ARHGEF3: variants seen among roughly 807,000 people sequenced by gnomAD.
ARHGEF3 encodes the protein 59.8 kDA protein.
In ARHGEF3, 28 loss-of-function variants were observed where a neutral mutation model predicts 63.2. That is an observed-to-expected ratio of 0.44 (90% CI 0.33 to 0.61). ARHGEF3 has a LOEUF of 0.61. Among genes scored for constraint, ARHGEF3 ranks in the 20% least tolerant of loss-of-function variants. The pLI is 0.03. For missense variants in ARHGEF3, 533 were observed against 659.3 expected, an observed-to-expected ratio of 0.81 and a Z score of 2.10; for synonymous variants, 266 against 254.2, an observed-to-expected ratio of 1.05 and a Z score of -0.44.
rs145548801 is a variant in ARHGEF3, at chr3:56,969,355, T to C, written c.63-10466A>G. 2.6e-5 allele frequency among the ~76,000 whole-genome samples: 3 copies of C among 114,024 alleles called. No homozygotes were observed. In the East Asian group the frequency reaches 1.0e-3, roughly 39 times the overall value. The allele number at this position is 114,024 out of a possible 152,430, so 74.8% of individuals were successfully genotyped here. A position where few individuals can be genotyped will look rare whatever the true frequency, so the allele number is the denominator to read the frequency against. ...AACGCTTGTTCAGTTCATTTGCTCA[T>C]TTATATAAAGAAGTGTTCTTTTTTT... On this transcript the variant is annotated intron_variant, in intron 2 of 12. Coordinates refer to the ARHGEF3 transcript ENST00000338458.
At chr3:56,839,740 T>C (rs1292766549) in intron 4 of ARHGEF3, among the ~76,000 whole-genome samples, 7 of 152,202 alleles carry the variant, frequency 4.6e-5, no homozygotes, top group Non-Finnish European at 1.0e-4. Flanking sequence ...TTTGGTCTGG[T>C]TGCATCAAAT....
rs868499904 is a variant in ARHGEF3 at position 56,745,332 on chromosome 3, C to T, written c.743G>A (p.Arg248His). 1.2e-6 allele frequency: 2 copies of T among 1,613,720 alleles called. No individual in the cohort carries two copies. The highest frequency in any genetic ancestry group is 1.1e-5 in the South Asian group (1 of 91,068). Residue 248 changes from arginine (R) to histidine (H), a missense_variant, in exon 7 of 10, where the codon CGC becomes CAC. By Grantham distance (29) the Arg-to-His change is conservative (BLOSUM62 0). Around this residue, in one of 4 missense-constraint regions of ARHGEF3, gnomAD observed 107 missense variants for 207.9 expected, o/e 0.51. Transcript: ENST00000296315. ...GAGGAAATTCCAGAGATCTAGTTTG[C>T]GGCTAAAGGGGGATTCTAAACATCG... ...LQRCLESPFS[R>H]KLDLWNFLDI... is the part of the protein sequence containing the mutation.
chr3:56,834,711 C>A (rs1387362122), intron 4 of ARHGEF3, among the ~76,000 whole-genome samples: 14 of 147,974 alleles, frequency 9.5e-5, no homozygotes, highest in Non-Finnish European at 1.5e-5. Flanking sequence ...TGCCATTGCA[C>A]TCCAGCCTGG....
intron 2 of ARHGEF3, among the ~76,000 whole-genome samples, chr3:56,768,272 T>A (rs950558376): frequency 6.6e-6 from 1 of 152,148 alleles, no homozygotes; most frequent in Non-Finnish European, 1.5e-5. Flanking sequence ...TTGGCCAGGT[T>A]GGTCTCGAAC....
chr3:56,978,804 C>CAGAGAGGG (rs1466093731), intron 2 of ARHGEF3, among the ~76,000 whole-genome samples: 1 of 152,114 alleles, frequency 6.6e-6, no homozygotes, highest in Non-Finnish European at 1.5e-5. Context: ...CTAACATTGC[C>CAGAGAGGG]AGAGAGGGAG....
At chr3:56,745,663 C>T (rs2034333938) in intron 6 of ARHGEF3, among the ~76,000 whole-genome samples, 1 of 152,002 alleles carries the variant, frequency 6.6e-6, no homozygotes, top group African/African-American at 2.4e-5. Flanking sequence ...CTCTGGCTTG[C>T]TTTCACAAAG....
rs140569065 is a variant in ARHGEF3 at position 56,891,181 on chromosome 3, T to TAA, written c.130-8829_130-8828dup. ...GAGCACCAACTCCATTTTTAAAAAG[T>TAA]AAAAAAAAAAAAAAAAAATAGAGAC... On this transcript the variant is annotated intron_variant, in intron 3 of 12. Transcript: ENST00000338458. 3.7e-3 allele frequency among the ~76,000 whole-genome samples: 518 copies of TAA among 138,786 alleles called. 4 individuals are homozygous for TAA. Among genetic ancestry groups the TAA allele is most frequent in the African/African-American group, 0.013 (483 of 37,664 alleles). 91.0% of individuals were successfully genotyped at this position (138,786 alleles called of 152,430 possible). A position where few individuals can be genotyped will look rare whatever the true frequency, so the allele number is the denominator to read the frequency against.
At chr3:56,943,684 G>A (rs1451567955) in intron 3 of ARHGEF3, among the ~76,000 whole-genome samples, 2 of 152,150 alleles carry the variant, frequency 1.3e-5, no homozygotes, top group African/African-American at 4.8e-5. Context: ...GGAGTACAAG[G>A]CAGGCGAATC....
At chr3:56,944,991 G>A (rs569041745) in intron 3 of ARHGEF3, among the ~76,000 whole-genome samples, 9 of 152,220 alleles carry the variant, frequency 5.9e-5, no homozygotes, top group Non-Finnish European at 1.3e-4. Flanking sequence ...AAAGCAAGCT[G>A]CAGGATCTGA....
At chr3:56,983,424 C>T (rs769985115) in intron 2 of ARHGEF3, among the ~76,000 whole-genome samples, 1 of 152,178 alleles carries the variant, frequency 6.6e-6, no homozygotes, top group Non-Finnish European at 1.5e-5. Flanking sequence ...GTCTCTGTCA[C>T]ACTCAGAGTT....
At chr3:56,969,691 A>C (rs1700820845) in intron 2 of ARHGEF3, among the ~76,000 whole-genome samples, 1 of 150,866 alleles carries the variant, frequency 6.6e-6, no homozygotes, top group South Asian at 2.1e-4. Context: ...GAATTGCTTG[A>C]ACCAGGGACC....
chr3:56,947,573 G>T (rs1056303061), intron 3 of ARHGEF3, among the ~76,000 whole-genome samples: 1 of 152,150 alleles, frequency 6.6e-6, no homozygotes, highest in Admixed American at 6.5e-5. Context: ...AACAAGAAGA[G>T]CTAACTATCC....
intron 2 of ARHGEF3, among the ~76,000 whole-genome samples, chr3:57,016,387 CAA>C (rs35905163): frequency 0.33 from 48,150 of 147,534 alleles, 8,060 homozygotes; most frequent in African/African-American, 0.4. Context: ...ACTAAAAATA[CAA>C]AAAAAAAAAA....
intron 2 of ARHGEF3, among the ~76,000 whole-genome samples, chr3:56,992,375 T>TTAAAA (rs1701783908): frequency 2.2e-5 from 1 of 46,136 alleles, no homozygotes; most frequent in South Asian, 7.1e-4. Context: ...AGGATGGCTT[T>TTAAAA]AAAAAAAAAA....
intron 2 of ARHGEF3, among the ~76,000 whole-genome samples, chr3:56,982,254 T>TAAA (rs76434123): frequency 7.1e-6 from 1 of 141,782 alleles, no homozygotes; most frequent in Non-Finnish European, 1.5e-5. Flanking sequence ...GAGCTCTCTT[T>TAAA]AAAAAAAAAA....
At chr3:56,775,244 G>A (rs1559929105) in intron 1 of ARHGEF3, 2 of 1,297,122 alleles carry the variant, frequency 1.5e-6, no homozygotes, top group Non-Finnish European at 9.9e-7. Flanking sequence ...TAGGTGCCTG[G>A]AAAAATCTTT....
At chr3:56,754,949 C>A (rs1484124081) in intron 3 of ARHGEF3, 32 bp downstream of exon 3, 4 of 1,613,746 alleles carry the variant, frequency 2.5e-6, no homozygotes, top group South Asian at 1.1e-5. Flanking sequence ...TTGTTCCAGA[C>A]ACACAGCCAG....
intron 3 of ARHGEF3, among the ~76,000 whole-genome samples, chr3:56,948,975 T>C (rs1699662532): frequency 6.6e-6 from 1 of 152,052 alleles, no homozygotes; most frequent in Non-Finnish European, 1.5e-5. Context: ...TGGTTCAACA[T>C]ACGCAAATCA....
At chr3:56,858,839 C>T (rs2039972247) in intron 4 of ARHGEF3, among the ~76,000 whole-genome samples, 1 of 152,134 alleles carries the variant, frequency 6.6e-6, no homozygotes. Context: ...GGGCAGGAGC[C>T]TAGACATTTG....
Sources: gnomAD v4.1 joint callset for allele counts (sites outside exome capture counted in the v4.1 genomes callset) on GRCh38, gnomAD v4.1.1 for gene constraint, gnomAD v4.1.1 regional missense constraint, MANE v1.5 for transcripts, NCBI Gene and HGNC (gene_info 2026-07-23, HGNC 2026-07-21) for gene names.